Variants in GREB1 observed in about 807,000 individuals in gnomAD.
The protein encoded by GREB1 is protein GREB1.
Under a neutral mutation model 200.7 loss-of-function variants are expected in GREB1, and 106 were observed. That is an observed-to-expected ratio of 0.53 (90% CI 0.45 to 0.62). The LOEUF is 0.62. GREB1 is among the 20% of genes least tolerant of loss of function. The pLI, the probability that GREB1 is intolerant of heterozygous loss-of-function variation, is 0.00. For missense variants in GREB1, 2,243 were observed against 2,556.8 expected (o/e 0.88, Z 2.65); for synonymous variants, 1,132 against 1,092.4 (o/e 1.04, Z -0.72).
At chr2:11,582,454 C>T (rs1679592610) in intron 7 of GREB1, among the ~76,000 whole-genome samples, 1 of 152,224 alleles carries the variant, frequency 6.6e-6, no homozygotes, top group Non-Finnish European at 1.5e-5. Flanking sequence ...TCTCCATGCT[C>T]TGTGCCTGCG....
intron 1 of GREB1, among the ~76,000 whole-genome samples, chr2:11,510,624 C>T (rs180727555): frequency 4.2e-4 from 64 of 152,004 alleles, no homozygotes; most frequent in African/African-American, 1.5e-3. Flanking sequence ...TTCATTTCCT[C>T]GCATCCTCCA....
intron 16 of GREB1, 45 bp downstream of exon 16, chr2:11,601,040 TG>T: frequency 6.6e-7 from 1 of 1,504,554 alleles, no homozygotes; most frequent in Non-Finnish European, 9.2e-7. Flanking sequence ...CAATATCACT[TG>T]GGTTTGCAGA....
rs372293024 is a variant in GREB1 at position 11,608,604 on chromosome 2, G to T, written c.2667-2084G>T. Among the ~76,000 whole-genome samples, 8 of 152,324 alleles carry T rather than the reference G, an allele frequency of 5.3e-5. No individual in the cohort carries two copies. In the East Asian group the frequency reaches 9.7e-4, roughly 18 times the overall value. On this transcript the variant is annotated intron_variant, in intron 17 of 32. Transcript: ENST00000381486. The stretch of plus-strand genomic sequence containing the variant: ...TTTTAAACTTTGTTAGTCAGGACCA[G>T]AGCAGTATTTAATGTAGCGCTAACT...
At chr2:11,624,353 T>G (rs1333709591) in intron 23 of GREB1, among the ~76,000 whole-genome samples, 2 of 150,748 alleles carry the variant, frequency 1.3e-5, no homozygotes, top group Non-Finnish European at 3.0e-5. Flanking sequence ...TTTTTTTTTT[T>G]TTTTTTTTGA....
intron 1 of GREB1, among the ~76,000 whole-genome samples, chr2:11,516,072 A>G (rs1054555722): frequency 1.3e-5 from 2 of 152,136 alleles, no homozygotes; most frequent in Non-Finnish European, 2.9e-5. Context: ...CTGTGGCGGG[A>G]CATGGTGGAT....
upstream of GREB1, among the ~76,000 whole-genome samples, chr2:11,533,721 C>A (rs945873840): frequency 1.3e-5 from 2 of 152,140 alleles, no homozygotes; most frequent in Non-Finnish European, 2.9e-5. Flanking sequence ...TAGCCAGAAA[C>A]AATGAACTAG....
intron 20 of GREB1, among the ~76,000 whole-genome samples, chr2:11,615,862 A>G (rs1341396846): frequency 6.6e-6 from 1 of 152,242 alleles, no homozygotes; most frequent in African/African-American, 2.4e-5. Context: ...TTCAAAAACT[A>G]GAAAGCATTT....
At chr2:11,484,007 A>C (rs1672585738) in intron 1 of GREB1, among the ~76,000 whole-genome samples, 1 of 152,208 alleles carries the variant, frequency 6.6e-6, no homozygotes, top group South Asian at 2.1e-4. Flanking sequence ...TCCCAGTGAA[A>C]GCACTTTAAT....
At chr2:11,616,574 G>A in intron 20 of GREB1, 57 bp from the exon 21 acceptor site, 3 of 1,059,162 alleles carry the variant, frequency 2.8e-6, no homozygotes, top group Admixed American at 3.4e-5. Context: ...TGAAGTGCTG[G>A]GCAAATGTCA....
At chr2:11,591,812 G>A (rs2148177947) in intron 10 of GREB1, 1 of 221,806 alleles carries the variant, frequency 4.5e-6, no homozygotes, top group East Asian at 1.4e-4. Context: ...GTAAACGGTG[G>A]TGCTCACGTA....
At chr2:11,496,021 C>T (rs913765961) in intron 1 of GREB1, among the ~76,000 whole-genome samples, 7 of 152,126 alleles carry the variant, frequency 4.6e-5, no homozygotes, top group African/African-American at 1.2e-4. Context: ...AAAAGCGGCA[C>T]GGCTGGGGTT....
intron 17 of GREB1, among the ~76,000 whole-genome samples, chr2:11,606,394 C>T (rs1291756006): frequency 6.6e-6 from 1 of 152,038 alleles, no homozygotes; most frequent in Non-Finnish European, 1.5e-5. Context: ...GGTGGTAGCT[C>T]GTAATTTTAA....
chr2:11,526,580 G>C (rs1202868792), intron 1 of GREB1, among the ~76,000 whole-genome samples: 4 of 149,084 alleles, frequency 2.7e-5, no homozygotes, highest in African/African-American at 5.0e-5. Context: ...TTTAGAGAGA[G>C]AGTCTCACCC....
intron 18 of GREB1, chr2:11,612,292 G>A: frequency 7.7e-7 from 1 of 1,299,262 alleles, no homozygotes; most frequent in African/African-American, 1.5e-5. Context: ...GCTCTGGCTG[G>A]CTAATCTCCA....
chr2:11,626,078 C>T (rs765506397), intron 24 of GREB1, among the ~76,000 whole-genome samples: 2 of 152,238 alleles, frequency 1.3e-5, no homozygotes, highest in South Asian at 2.1e-4. Flanking sequence ...CATCAGGTCC[C>T]TCCCACAACA....
chr2:11,499,137 C>A (rs1221522877), intron 1 of GREB1, among the ~76,000 whole-genome samples: 1 of 152,054 alleles, frequency 6.6e-6, no homozygotes, highest in African/African-American at 2.4e-5. Context: ...TATTTCATTC[C>A]AAAACTCCAT....
chr2:11,503,838 T>C (rs530020480), intron 1 of GREB1, among the ~76,000 whole-genome samples: 1 of 79,404 alleles, frequency 1.3e-5, no homozygotes, highest in African/African-American at 4.8e-5. Flanking sequence ...TTTTCCACAA[T>C]ATTCAGCATT....
intron 1 of GREB1, among the ~76,000 whole-genome samples, chr2:11,554,415 T>G (rs1018477513): frequency 3.3e-5 from 5 of 152,210 alleles, no homozygotes; most frequent in Non-Finnish European, 5.9e-5. Flanking sequence ...TTATTATACC[T>G]TCGGGAGGGA....
chr2:11,568,394 GCAC>G (rs1446509103), intron 4 of GREB1, among the ~76,000 whole-genome samples: 4 of 152,232 alleles, frequency 2.6e-5, no homozygotes, highest in African/African-American at 9.6e-5. Context: ...TCGAGGGACA[GCAC>G]CACTAGACAG....
Sources: gnomAD v4.1 joint callset for allele counts (sites outside exome capture counted in the v4.1 genomes callset) on GRCh38, gnomAD v4.1.1 for gene constraint, MANE v1.5 for transcripts, NCBI Gene and HGNC (gene_info 2026-07-23, HGNC 2026-07-21) for gene names.